Variants in CREB5 observed in about 807,000 individuals in gnomAD.
The protein encoded by CREB5 is cAMP responsive element binding protein 5, also known as cyclic AMP-responsive element-binding protein 5.
Under a neutral mutation model 57.1 loss-of-function variants are expected in CREB5, and 19 were observed. That is an observed-to-expected ratio of 0.33 (90% CI 0.23 to 0.49). The LOEUF (loss-of-function observed/expected upper bound fraction) is 0.49, where lower values mean the gene tolerates loss of function less well. Among genes scored for constraint, CREB5 ranks in the 20% least tolerant of loss-of-function variants. CREB5 has a pLI of 0.99. For missense variants in CREB5, 579 were observed against 671.6 expected, an observed-to-expected ratio of 0.86 and a Z score of 1.52; for synonymous variants, 238 against 238.3, an observed-to-expected ratio of 1.00 and a Z score of 0.01.
intron 4 of CREB5, among the ~76,000 whole-genome samples, chr7:28,560,557 T>A (rs1292693910): frequency 2.0e-5 from 3 of 151,898 alleles, no homozygotes; most frequent in Non-Finnish European, 4.4e-5. Flanking sequence ...CCTATATCAG[T>A]AGGAAGCAAT....
intron 1 of CREB5, among the ~76,000 whole-genome samples, chr7:28,422,150 T>A (rs1788294634): frequency 1.3e-5 from 2 of 152,040 alleles, no homozygotes; most frequent in African/African-American, 4.8e-5. Flanking sequence ...GGCCCAGGCT[T>A]GTGCATAATA....
intron 9 of CREB5, among the ~76,000 whole-genome samples, chr7:28,815,188 G>A (rs1809354494): frequency 6.6e-6 from 1 of 152,182 alleles, no homozygotes; most frequent in African/African-American, 2.4e-5. Flanking sequence ...TGGGAGGATT[G>A]CTTGAGCCCA....
At chr7:28,626,838 G>A (rs976320750) in intron 5 of CREB5, among the ~76,000 whole-genome samples, 3 of 152,106 alleles carry the variant, frequency 2.0e-5, no homozygotes, top group Non-Finnish European at 4.4e-5. Context: ...AGCCTACCGG[G>A]GGCCCTTCAT....
intron 7 of CREB5, among the ~76,000 whole-genome samples, chr7:28,740,967 C>T (rs761842381): frequency 6.7e-6 from 1 of 149,926 alleles, no homozygotes; most frequent in Non-Finnish European, 1.5e-5. Context: ...ACCAATAATA[C>T]ATTATGAACG....
intron 1 of CREB5, among the ~76,000 whole-genome samples, chr7:28,462,770 T>C (rs960492354): frequency 6.6e-6 from 1 of 152,216 alleles, no homozygotes; most frequent in East Asian, 1.9e-4. Context: ...TATTTGCTTT[T>C]TTATTGTTTA....
chr7:28,467,823 G>A (rs1583499203), intron 1 of CREB5, among the ~76,000 whole-genome samples: 1 of 152,164 alleles, frequency 6.6e-6, no homozygotes, highest in African/African-American at 2.4e-5. Flanking sequence ...AGCTGCAGAA[G>A]GAACTTCTTC....
intron 4 of CREB5, among the ~76,000 whole-genome samples, chr7:28,543,816 G>A (rs1263940626): frequency 6.6e-6 from 1 of 151,776 alleles, no homozygotes; most frequent in Non-Finnish European, 1.5e-5. Flanking sequence ...GTCCACACGG[G>A]GAGTGGGCAT....
intron 5 of CREB5, among the ~76,000 whole-genome samples, chr7:28,606,334 A>G (rs1797129837): frequency 6.8e-6 from 1 of 147,414 alleles, no homozygotes; most frequent in African/African-American, 2.7e-5. Context: ...AAATTTATTT[A>G]CAATTTTACA....
intron 5 of CREB5, among the ~76,000 whole-genome samples, chr7:28,640,462 A>T (rs924708871): frequency 6.6e-6 from 1 of 152,234 alleles, no homozygotes; most frequent in African/African-American, 2.4e-5. Context: ...AGCTATTTGG[A>T]TGTTCATTTT....
chr7:28,488,333 T>C, intron 2 of CREB5, 87 bp downstream of exon 2: 1 of 1,202,090 alleles, frequency 8.3e-7, no homozygotes, highest in African/African-American at 1.5e-5. Context: ...ATGCCTGCCC[T>C]GGGCTTTCCT....
chr7:28,704,185 T>G (rs1303300046), intron 5 of CREB5, among the ~76,000 whole-genome samples: 3 of 152,208 alleles, frequency 2.0e-5, no homozygotes, highest in South Asian at 2.1e-4. Context: ...AATTACTTAT[T>G]CTAGTGCACA....
chr7:28,674,594 G>A (rs775458578), intron 5 of CREB5, among the ~76,000 whole-genome samples: 4 of 152,194 alleles, frequency 2.6e-5, no homozygotes, highest in Non-Finnish European at 5.9e-5. Flanking sequence ...GAGCTCAGAT[G>A]TTCCTGTCCC....
intron 1 of CREB5, among the ~76,000 whole-genome samples, chr7:28,326,656 C>T (rs1415565678): frequency 6.6e-6 from 1 of 152,210 alleles, no homozygotes; most frequent in African/African-American, 2.4e-5. Flanking sequence ...GGTTACTACC[C>T]TAGACCTTGT....
chr7:28,664,696 T>C (rs1429740861), intron 5 of CREB5, among the ~76,000 whole-genome samples: 4 of 152,182 alleles, frequency 2.6e-5, no homozygotes, highest in South Asian at 2.1e-4. Flanking sequence ...TCTGTTTTTT[T>C]CCAAAGATTC....
chr7:28,577,453 G>A (rs749949646), intron 5 of CREB5, among the ~76,000 whole-genome samples: 5 of 152,184 alleles, frequency 3.3e-5, no homozygotes, highest in Non-Finnish European at 5.9e-5. Flanking sequence ...CAACTCCTAG[G>A]TGAATAACAG....
At chr7:28,630,793 A>G (rs1443461068) in intron 5 of CREB5, among the ~76,000 whole-genome samples, 1 of 152,182 alleles carries the variant, frequency 6.6e-6, no homozygotes, top group East Asian at 1.9e-4. Flanking sequence ...CCTACTTGCT[A>G]AGAGAGTGAC....
At chr7:28,476,318 C>T (rs535853055) in intron 1 of CREB5, among the ~76,000 whole-genome samples, 9 of 152,308 alleles carry the variant, frequency 5.9e-5, no homozygotes, top group East Asian at 1.9e-4. Context: ...TTCAATCTCT[C>T]GACATATGCC....
intron 1 of CREB5, among the ~76,000 whole-genome samples, chr7:28,314,557 T>G (rs1046907106): frequency 6.6e-6 from 1 of 152,184 alleles, no homozygotes; most frequent in Non-Finnish European, 1.5e-5. Context: ...CCACACAGAT[T>G]ATTGTGATAT....
chr7:28,454,492 T>G (rs1219337818), intron 1 of CREB5, among the ~76,000 whole-genome samples: 6 of 152,190 alleles, frequency 3.9e-5, no homozygotes, highest in Admixed American at 6.5e-5. Flanking sequence ...CCAGGACTTC[T>G]CTTTTCTAGT....
Sources: allele counts gnomAD v4.1 joint callset (sites outside exome capture counted in the v4.1 genomes callset), GRCh38; gene constraint gnomAD v4.1.1; transcripts MANE v1.5; gene names NCBI Gene and HGNC (gene_info 2026-07-23, HGNC 2026-07-21).